CDH4: variants seen among roughly 807,000 people sequenced by gnomAD.
The protein encoded by CDH4 is cadherin-4.
CDH4 carries 33 observed loss-of-function variants against 86.0 expected under a neutral mutation model. The observed-to-expected ratio is 0.38, with a 90% CI of 0.29 to 0.51. The LOEUF (loss-of-function observed/expected upper bound fraction) is 0.51, where lower values mean the gene tolerates loss of function less well. CDH4 is among the 20% of genes least tolerant of loss of function. The probability of loss-of-function intolerance (pLI) is 0.86; values close to 1 mark genes in which losing one functional copy is unlikely to be tolerated. For missense variants in CDH4, 1,114 were observed against 1,307.4 expected, an observed-to-expected ratio of 0.85 and a Z score of 2.28; for synonymous variants, 555 against 549.4, an observed-to-expected ratio of 1.01 and a Z score of -0.14.
intron 2 of CDH4, among the ~76,000 whole-genome samples, chr20:61,386,045 A>G (rs1165815024): frequency 6.6e-6 from 1 of 152,184 alleles, no homozygotes; most frequent in South Asian, 2.1e-4. Flanking sequence ...GTGCTCAGCT[A>G]TGCAGCTGTC....
intron 2 of CDH4, among the ~76,000 whole-genome samples, chr20:61,330,339 G>A (rs550086077): frequency 7.2e-5 from 11 of 152,292 alleles, no homozygotes; most frequent in Middle Eastern, 3.4e-3. Flanking sequence ...CACCAACAGT[G>A]TAAAAGTGTA....
In CDH4 at chr20:61,392,414, C is replaced by T. The variant is rs572956335; in HGVS notation, c.169+137477C>T. 1.3e-5 allele frequency among the ~76,000 whole-genome samples: 2 copies of T among 152,252 alleles called. No homozygotes were observed. Among genetic ancestry groups the T allele is most frequent in the Non-Finnish European group, 2.9e-5 (2 of 68,034 alleles). On this transcript the variant is annotated intron_variant, in intron 2 of 15. Transcript: ENST00000614565. The surrounding 1 kb of genome is among the most constrained non-coding windows in gnomAD (Gnocchi z 5.7). ...CACCGGGATGGAACGCACGGCGCCC[C>T]GACGTGATTTTCCAGAGAACTGAGT...
chr20:61,875,436 G>A (rs1447497878), intron 7 of CDH4, among the ~76,000 whole-genome samples: 2 of 152,318 alleles, frequency 1.3e-5, no homozygotes, highest in African/African-American at 4.8e-5. Context: ...AGAGGACGTT[G>A]TCAGCCCCAG....
chr20:61,603,522 A>G (rs2086619332), intron 2 of CDH4, among the ~76,000 whole-genome samples: 1 of 152,174 alleles, frequency 6.6e-6, no homozygotes, highest in African/African-American at 2.4e-5. Context: ...TGTGGAGGCC[A>G]GGTGTGCCCT....
chr20:61,357,115 G>T (rs1205429364), intron 2 of CDH4, among the ~76,000 whole-genome samples: 1 of 152,208 alleles, frequency 6.6e-6, no homozygotes, highest in Non-Finnish European at 1.5e-5. Context: ...CTAGAAGCAT[G>T]GCCATGCCGC....
intron 2 of CDH4, among the ~76,000 whole-genome samples, chr20:61,495,298 G>A (rs191112641): frequency 9.2e-5 from 14 of 152,296 alleles, no homozygotes; most frequent in African/African-American, 1.7e-4. Flanking sequence ...AGGGGGAGCC[G>A]AACACGACGT....
At chr20:61,649,987 C>T (rs536662466) in intron 2 of CDH4, among the ~76,000 whole-genome samples, 16 of 152,304 alleles carry the variant, frequency 1.1e-4, no homozygotes, top group South Asian at 2.1e-4. Context: ...CTGCCTGCGC[C>T]GGAGCCCTGA....
intron 15 of CDH4, among the ~76,000 whole-genome samples, chr20:61,936,212 G>A (rs543441859): frequency 1.7e-4 from 26 of 151,052 alleles, no homozygotes; most frequent in Non-Finnish European, 3.7e-4. Context: ...GCCCCCTTAG[G>A]GAGGAGCTGA....
chr20:61,695,859 C>T (rs2087709989), intron 2 of CDH4, among the ~76,000 whole-genome samples: 1 of 152,218 alleles, frequency 6.6e-6, no homozygotes, highest in Non-Finnish European at 1.5e-5. Flanking sequence ...AGTGACTTGG[C>T]CGCCACACTG....
chr20:61,286,538 T>C (rs955984852), intron 2 of CDH4, among the ~76,000 whole-genome samples: 18 of 152,256 alleles, frequency 1.2e-4, no homozygotes, highest in African/African-American at 4.3e-4. Flanking sequence ...GAGTAACAGC[T>C]AATGCTTTTA....
chr20:61,571,042 C>G (rs1307582267), intron 2 of CDH4, among the ~76,000 whole-genome samples: 1 of 152,140 alleles, frequency 6.6e-6, no homozygotes, highest in Non-Finnish European at 1.5e-5. Context: ...TTACCTGGCT[C>G]ATCTCCAAGG....
At chr20:61,813,808 C>T (rs891041315) in intron 4 of CDH4, among the ~76,000 whole-genome samples, 1 of 152,190 alleles carries the variant, frequency 6.6e-6, no homozygotes, top group East Asian at 1.9e-4. Flanking sequence ...CCATAGCCTC[C>T]TTGGCTCACC....
intron 2 of CDH4, among the ~76,000 whole-genome samples, chr20:61,262,064 G>A (rs1324425964): frequency 6.6e-6 from 1 of 152,224 alleles, no homozygotes; most frequent in Non-Finnish European, 1.5e-5. Context: ...GAAGCCCTGA[G>A]CACGTTCCAT....
chr20:61,650,024 C>T (rs113108134), intron 2 of CDH4, among the ~76,000 whole-genome samples: 42 of 152,350 alleles, frequency 2.8e-4, no homozygotes, highest in African/African-American at 9.9e-4. Context: ...CCAGCAGCTC[C>T]ACTCTCCTGG....
rs1175180838 is a variant in CDH4 at position 61,544,578 on chromosome 20, G to A, written c.170-198985G>A. On this transcript the variant is annotated intron_variant, in intron 2 of 15. Coordinates refer to ENST00000614565, the MANE Select transcript of CDH4 (RefSeq NM_001794.5). The surrounding 1 kb of genome is among the most constrained non-coding windows in gnomAD (Gnocchi z 6.5). The stretch of plus-strand genomic sequence containing the variant: ...ACGGTGACGGGATCCCTGCGTTGAC[G>A]GTGGCATGACCGTGTGTGATGGGAT... Among the ~76,000 whole-genome samples the A allele has an allele frequency of 1.3e-5, 2 of 151,802 alleles. No homozygotes were observed. Among genetic ancestry groups the A allele is most frequent in the African/African-American group, 2.4e-5 (1 of 41,318 alleles).
chr20:61,339,055 C>T (rs1432246352), intron 2 of CDH4, among the ~76,000 whole-genome samples: 1 of 151,744 alleles, frequency 6.6e-6, no homozygotes, highest in Non-Finnish European at 1.5e-5. Flanking sequence ...CATACACACG[C>T]ACACACCCCC....
chr20:61,516,726 T>C lies in CDH4; in HGVS notation c.170-226837T>C, dbSNP rs373072315. ...AGGGTGCAATGTCAAACCGCGGCCC[T>C]GCCCGAGAGCAGGCACTAAAAATAA... On this transcript the variant is annotated intron_variant, in intron 2 of 15. Transcript: ENST00000614565. This position sits in a 1 kb window ranked among gnomAD's most constrained non-coding sequence, Gnocchi z 4.0. Among the ~76,000 whole-genome samples the C allele has an allele frequency of 9.2e-5, 14 of 152,208 alleles. No homozygotes were observed. The highest frequency in any genetic ancestry group is 3.4e-4 in the African/African-American group (14 of 41,454).
chr20:61,444,391 CTG>C (rs2085333318), intron 2 of CDH4, among the ~76,000 whole-genome samples: 1 of 138,024 alleles, frequency 7.2e-6, no homozygotes, highest in South Asian at 2.3e-4. Context: ...CTATGTGTGT[CTG>C]TGTGTGTATT....
intron 2 of CDH4, among the ~76,000 whole-genome samples, chr20:61,706,602 G>A (rs2087832843): frequency 6.6e-6 from 1 of 152,180 alleles, no homozygotes; most frequent in Non-Finnish European, 1.5e-5. Flanking sequence ...GACAGGGCCT[G>A]TGGGATCTGC....
Sources: allele counts gnomAD v4.1 joint callset (sites outside exome capture counted in the v4.1 genomes callset), GRCh38; gene constraint gnomAD v4.1.1; non-coding constraint Gnocchi (gnomAD v3.1); transcripts MANE v1.5; gene names NCBI Gene and HGNC (gene_info 2026-07-23, HGNC 2026-07-21).